Variants in SLC22A3 observed in about 807,000 individuals in gnomAD.
SLC22A3 encodes the protein EMT organic cation transporter 3.
In SLC22A3, 51 loss-of-function variants were observed where a neutral mutation model predicts 59.1. The ratio of observed to expected loss-of-function variants is 0.86; its 90% CI spans 0.69 to 1.09. SLC22A3 has a LOEUF of 1.09. SLC22A3 is among the 50% of genes least tolerant of loss of function. The pLI is 0.00. For missense variants in SLC22A3, 711 were observed against 726.3 expected, an observed-to-expected ratio of 0.98 and a Z score of 0.24; for synonymous variants, 325 against 292.0, an observed-to-expected ratio of 1.11 and a Z score of -1.15.
chr6:160,414,731 T>C (rs1206665307), intron 5 of SLC22A3, among the ~76,000 whole-genome samples: 1 of 152,122 alleles, frequency 6.6e-6, no homozygotes, highest in East Asian at 1.9e-4. Flanking sequence ...GAGAATTCAC[T>C]CACTATCATG....
At chr6:160,448,215 G>A (rs1461894861) in intron 10 of SLC22A3, among the ~76,000 whole-genome samples, 1 of 152,138 alleles carries the variant, frequency 6.6e-6, no homozygotes, top group Non-Finnish European at 1.5e-5. Context: ...GCATAGGCAG[G>A]TTTTCAAGAC....
intron 10 of SLC22A3, among the ~76,000 whole-genome samples, chr6:160,450,053 TA>T (rs1331477312): frequency 3.3e-5 from 5 of 152,152 alleles, no homozygotes; most frequent in African/African-American, 9.7e-5. Flanking sequence ...ATTGTCTTGA[TA>T]AACATCTTAA....
In SLC22A3 at chr6:160,401,755, G is replaced by A. The variant is rs144698612; in HGVS notation, c.533+3673G>A. On this transcript the variant is annotated intron_variant, in intron 2 of 10. Transcript: ENST00000275300. Reference sequence around the variant, plus strand: ...TATATAGAGTATTTTTTGTTATAAGGTACTCATACTACTCATGAAGTGATA... The same window carrying A: ...TATATAGAGTATTTTTTGTTATAAGATACTCATACTACTCATGAAGTGATA... Among the ~76,000 whole-genome samples the A allele has an allele frequency of 6.6e-3, 1,004 of 151,864 alleles. 11 individuals carry two copies. Among genetic ancestry groups the A allele is most frequent in the African/African-American group, 0.023 (945 of 41,470 alleles).
chr6:160,441,972 C>T (rs1172648205), intron 7 of SLC22A3, among the ~76,000 whole-genome samples: 4 of 152,210 alleles, frequency 2.6e-5, no homozygotes, highest in African/African-American at 4.8e-5. Context: ...AAATGGTTAA[C>T]TCCTCTGCCC....
chr6:160,439,404 G>A (rs553859760), intron 7 of SLC22A3, among the ~76,000 whole-genome samples: 6 of 152,070 alleles, frequency 3.9e-5, no homozygotes, highest in South Asian at 2.1e-4. Context: ...GCTTCGGTGT[G>A]TCCCCTCATT....
At chr6:160,432,222 G>A (rs1398480515) in intron 5 of SLC22A3, among the ~76,000 whole-genome samples, 1 of 152,116 alleles carries the variant, frequency 6.6e-6, no homozygotes, top group Non-Finnish European at 1.5e-5. Context: ...TGACATGGAG[G>A]ATACGATTTC....
intron 1 of SLC22A3, among the ~76,000 whole-genome samples, chr6:160,380,705 C>G (rs1462287564): frequency 6.6e-6 from 1 of 152,090 alleles, no homozygotes; most frequent in Non-Finnish European, 1.5e-5. Flanking sequence ...GTGCAATAAT[C>G]TTTTTAAAAT....
At chr6:160,390,347 AGCCAAGGCACTG>A (rs942062070) in intron 1 of SLC22A3, among the ~76,000 whole-genome samples, 5 of 152,300 alleles carry the variant, frequency 3.3e-5, no homozygotes, top group African/African-American at 1.2e-4. Flanking sequence ...ACAACTCCAC[AGCCAAGGCACTG>A]GCCTCATTCC....
Position 160,357,815 on chromosome 6 carries a change from C to T in SLC22A3, c.429+8967C>T, listed in dbSNP as rs1031936111. Among the ~76,000 whole-genome samples, 14 of 152,006 alleles carry T rather than the reference C, an allele frequency of 9.2e-5. 1 individual carries two copies. Among genetic ancestry groups the T allele is most frequent in the Admixed American group, 5.9e-4 (9 of 15,250 alleles). Reference sequence around the variant, plus strand: ...TAAAGAAATCAAATAAATAAATGTCCAAGTTATTAGAGTGTAAGAAAGTGT... The same window carrying T: ...TAAAGAAATCAAATAAATAAATGTCTAAGTTATTAGAGTGTAAGAAAGTGT... On this transcript the variant is annotated intron_variant, in intron 1 of 10. Coordinates refer to ENST00000275300, the MANE Select transcript of SLC22A3 (RefSeq NM_021977.4).
intron 1 of SLC22A3, among the ~76,000 whole-genome samples, chr6:160,396,673 T>A (rs888460122): frequency 6.6e-6 from 1 of 152,176 alleles, no homozygotes; most frequent in Non-Finnish European, 1.5e-5. Context: ...TTAGACTCGC[T>A]TTTGGCCATG....
rs368251362 is a variant in SLC22A3 at position 160,436,760 on chromosome 6, A to C, written c.976-20A>C. 98 of 1,543,724 alleles carry C rather than the reference A, an allele frequency of 6.3e-5. No homozygotes were observed. In the African/African-American group the frequency reaches 1.3e-3, roughly 20 times the overall value. On this transcript the variant is annotated intron_variant, in intron 5 of 10. Transcript: ENST00000275300. ...TTTTTTTTCTGTCTATTGCTACTGA[A>C]ATCTGCTTTTCTTATATAGATCACT...
At chr6:160,383,232 G>C (rs144579839) in intron 1 of SLC22A3, among the ~76,000 whole-genome samples, 3 of 152,326 alleles carry the variant, frequency 2.0e-5, no homozygotes, top group Admixed American at 1.3e-4. Context: ...GTTAACCTCA[G>C]TGTTTTCACA....
intron 2 of SLC22A3, among the ~76,000 whole-genome samples, chr6:160,400,363 A>T (rs1276870496): frequency 1.3e-5 from 2 of 151,828 alleles, no homozygotes; most frequent in Non-Finnish European, 1.5e-5. Flanking sequence ...GAAACACCAA[A>T]TTCTAGCCTC....
intron 1 of SLC22A3, among the ~76,000 whole-genome samples, chr6:160,383,806 AT>A (rs1785889029): frequency 2.8e-5 from 4 of 144,172 alleles, no homozygotes; most frequent in African/African-American, 1.1e-4. Context: ...AAAAAAAAAT[AT>A]ATAAATAAAA....
At position 160,451,508 on chromosome 6, in the gene SLC22A3, G is replaced by A. The variant is rs773997322; in HGVS notation, c.*452G>A. ...AAGCTCCTAGCTGACCATTCATTCT[G>A]AAGATTGCATGGAGGATGAACATCT... On this transcript the variant is annotated 3_prime_UTR_variant, in exon 11 of 11. Transcript: ENST00000275300. 45 of 175,422 alleles carry A rather than the reference G, an allele frequency of 2.6e-4. No homozygotes were observed. The highest frequency in any genetic ancestry group is 1.4e-3 in the Admixed American group (26 of 18,170). The allele number at this position is 175,422 out of a possible 1,614,324, so 10.9% of individuals were successfully genotyped here. A position where few individuals can be genotyped will look rare whatever the true frequency, so the allele number is the denominator to read the frequency against.
chr6:160,391,859 T>C (rs1257963051), intron 1 of SLC22A3, among the ~76,000 whole-genome samples: 1 of 152,208 alleles, frequency 6.6e-6, no homozygotes, highest in South Asian at 2.1e-4. Context: ...TTTAATACTT[T>C]CATGTCTCCC....
At chr6:160,436,035 G>C (rs1788322893) in intron 5 of SLC22A3, among the ~76,000 whole-genome samples, 2 of 152,146 alleles carry the variant, frequency 1.3e-5, no homozygotes, top group Non-Finnish European at 2.9e-5. Context: ...AGGCTTCCCA[G>C]GGGAGGTAAA....
At position 160,452,157 on chromosome 6, in the gene SLC22A3, G is replaced by C. The variant is rs1182458918; in HGVS notation, c.*1101G>C. 6.6e-6 allele frequency: 1 copy of C among 152,138 alleles called. No individual in the cohort carries two copies. Among genetic ancestry groups the C allele is most frequent in the Non-Finnish European group, 1.5e-5 (1 of 68,020 alleles). 9.4% of individuals were successfully genotyped at this position (152,138 alleles called of 1,614,324 possible). A position where few individuals can be genotyped will look rare whatever the true frequency, so the allele number is the denominator to read the frequency against. On this transcript the variant is annotated 3_prime_UTR_variant, in exon 11 of 11. Coordinates refer to ENST00000275300, the MANE Select transcript of SLC22A3 (RefSeq NM_021977.4). Reference sequence around the variant, plus strand: ...TCGAGGCTTTTGAAATGTGGAACTTGTGTGTTCTGCTTTATATGTTATATT... The same window carrying C: ...TCGAGGCTTTTGAAATGTGGAACTTCTGTGTTCTGCTTTATATGTTATATT...
chr6:160,440,053 C>T (rs544006191), intron 7 of SLC22A3, among the ~76,000 whole-genome samples: 3 of 152,326 alleles, frequency 2.0e-5, no homozygotes, highest in East Asian at 1.9e-4. Flanking sequence ...TCCCTCCACT[C>T]GACCCAACTT....
Sources: allele counts gnomAD v4.1 joint callset (sites outside exome capture counted in the v4.1 genomes callset), GRCh38; gene constraint gnomAD v4.1.1; transcripts MANE v1.5; gene names NCBI Gene and HGNC (gene_info 2026-07-23, HGNC 2026-07-21).